BAZ2B: variants seen among roughly 807,000 people sequenced by gnomAD.
BAZ2B encodes bromodomain adjacent to zinc finger domain 2B.
A neutral mutation model predicts 246.0 loss-of-function variants in BAZ2B; 91 were observed. The ratio of observed to expected loss-of-function variants is 0.37; its 90% CI spans 0.31 to 0.44. The LOEUF (loss-of-function observed/expected upper bound fraction) is 0.44. BAZ2B is among the 20% of genes least tolerant of loss of function. The probability of loss-of-function intolerance (pLI) is 1.00; values close to 1 mark genes in which losing one functional copy is unlikely to be tolerated. For missense variants in BAZ2B, 2,332 were observed against 2,533.7 expected, an observed-to-expected ratio of 0.92 and a Z score of 1.71; for synonymous variants, 855 against 860.0, an observed-to-expected ratio of 0.99 and a Z score of 0.10.
At chr2:159,456,363 T>C (rs576204140) in intron 3 of BAZ2B, among the ~76,000 whole-genome samples, 2 of 152,210 alleles carry the variant, frequency 1.3e-5, no homozygotes, top group South Asian at 4.1e-4. Context: ...ACAGCATTAA[T>C]TTCATTATTG....
intron 17 of BAZ2B, among the ~76,000 whole-genome samples, chr2:159,400,048 A>G (rs917468992): frequency 6.6e-6 from 1 of 152,156 alleles, no homozygotes; most frequent in African/African-American, 2.4e-5. Flanking sequence ...TTCAGTTCCT[A>G]TATATGCTAG....
chr2:159,347,766 A>G, intron 30 of BAZ2B, 120 bp from the exon 31 acceptor site: 2 of 797,684 alleles, frequency 2.5e-6, no homozygotes, highest in Non-Finnish European at 3.9e-6. Flanking sequence ...GACATACACA[A>G]ATGCACTTGT....
intron 1 of BAZ2B, among the ~76,000 whole-genome samples, chr2:159,580,898 C>T (rs1024183753): frequency 2.6e-5 from 4 of 152,142 alleles, no homozygotes; most frequent in African/African-American, 4.8e-5. Context: ...CTTCCTCACA[C>T]CTTATACAAA....
intron 24 of BAZ2B, 119 bp from the exon 25 acceptor site, chr2:159,382,921 T>TGC: frequency 7.7e-7 from 1 of 1,301,382 alleles, no homozygotes. Context: ...TGTTAAGCGA[T>TGC]ATACCAATGT....
intron 13 of BAZ2B, among the ~76,000 whole-genome samples, chr2:159,416,553 T>A (rs1315386490): frequency 6.6e-6 from 1 of 152,256 alleles, no homozygotes. Context: ...GCATTTGGTT[T>A]TTAAAGTATC....
chr2:159,651,171 A>T, the BAZ2B span, among the ~76,000 whole-genome samples: 5 of 152,168 alleles, frequency 3.3e-5, no homozygotes, highest in East Asian at 9.6e-4. Flanking sequence ...TTATTTTACC[A>T]TTACTCTTAC....
chr2:159,469,512 T>G (rs1354171258), intron 3 of BAZ2B, among the ~76,000 whole-genome samples: 1 of 152,150 alleles, frequency 6.6e-6, no homozygotes, highest in Non-Finnish European at 1.5e-5. Context: ...CTCGGCTCAA[T>G]GCAACCTCTG....
intron 1 of BAZ2B, among the ~76,000 whole-genome samples, chr2:159,559,988 T>C (rs2089660514): frequency 6.6e-6 from 1 of 152,296 alleles, no homozygotes; most frequent in Admixed American, 6.5e-5. Flanking sequence ...ACTACCAATG[T>C]GGGAAAAGAA....
the BAZ2B span, among the ~76,000 whole-genome samples, chr2:159,640,908 T>C: frequency 7.6e-6 from 1 of 130,752 alleles, no homozygotes; most frequent in East Asian, 2.3e-4. Context: ...AGAGAAGAAA[T>C]AAATGAAATA....
chr2:159,358,009 A>C (rs142381723), intron 27 of BAZ2B, among the ~76,000 whole-genome samples: 2,951 of 152,270 alleles, frequency 0.019, 102 homozygotes, highest in African/African-American at 0.066. Flanking sequence ...CACTGCAAAA[A>C]CATGCCAAAT....
the BAZ2B span, among the ~76,000 whole-genome samples, chr2:159,643,793 T>C: frequency 3.3e-5 from 5 of 150,394 alleles, no homozygotes; most frequent in African/African-American, 9.8e-5. Flanking sequence ...GGAGAATCGC[T>C]TGAACCCAGG....
Position 159,386,418 on chromosome 2 carries a change from G to C in BAZ2B, c.3406C>G (p.Gln1136Glu), listed in dbSNP as rs2062667480. ...GAGAGGAGCCTCACAAGCAAGTCTT[G>C]TACTTCACCCATGCTGTCCCCTATA... ...LNIGDSMGEV[Q>E]DLLVRLLSAA... The change falls in exon 22 of 37, where the codon CAA becomes GAA. Residue 1136 changes from glutamine to glutamate, a missense_variant. Physicochemically the swap from Gln to Glu is conservative, Grantham distance 29. Coordinates refer to ENST00000392783, the MANE Select transcript of BAZ2B (RefSeq NM_013450.4). 1 of 1,613,294 alleles carries C rather than the reference G, an allele frequency of 6.2e-7. No individual in the cohort carries two copies. Among genetic ancestry groups the C allele is most frequent in the African/African-American group, 1.3e-5 (1 of 74,942 alleles).
the BAZ2B span, among the ~76,000 whole-genome samples, chr2:159,642,739 C>T: frequency 6.6e-6 from 1 of 151,862 alleles, no homozygotes; most frequent in African/African-American, 2.4e-5. Context: ...GTTAAAAATC[C>T]TATCAAGAGT....
At position 159,577,774 on chromosome 2, in the gene BAZ2B, AGG is replaced by A. The variant is rs781489636; in HGVS notation, c.-45-21911_-45-21910del. ...TTTATACACCACAAGAAATAAAAGT[AGG>A]TACCTTAATGGGAAGGAGAAAGGCT... On this transcript the variant is annotated intron_variant, in intron 1 of 36. Transcript: ENST00000392783. Among the ~76,000 whole-genome samples the A allele has an allele frequency of 1.7e-3, 266 of 152,340 alleles. 1 individual carries two copies. Among genetic ancestry groups the A allele is most frequent in the Non-Finnish European group, 3.0e-3 (203 of 68,024 alleles).
chr2:159,653,987 G>T, the BAZ2B span, among the ~76,000 whole-genome samples: 1 of 152,140 alleles, frequency 6.6e-6, no homozygotes, highest in African/African-American at 2.4e-5. Context: ...AGTAGACTTG[G>T]AAGTTAACCC....
intron 1 of BAZ2B, chr2:159,615,842 C>G (rs1352988018): frequency 6.6e-6 from 1 of 152,412 alleles, no homozygotes; most frequent in Non-Finnish European, 1.5e-5. Flanking sequence ...GCGGCGGACT[C>G]GCGGCGGCAG....
Position 159,453,772 on chromosome 2 carries a change from G to A in BAZ2B, c.175C>T (p.Pro59Ser). The A allele has an allele frequency of 1.2e-6, 2 of 1,610,032 alleles. No individual in the cohort carries two copies. The highest frequency in any genetic ancestry group is 1.3e-5 in the African/African-American group (1 of 74,926). Residue 59 changes from proline to serine, a missense_variant, in exon 4 of 37, where the codon CCG (proline) becomes TCG (serine). Physicochemically the swap from Pro to Ser is moderately conservative, Grantham distance 74. Around this residue, in one of 9 missense-constraint regions of BAZ2B, gnomAD observed 242 missense variants for 237.4 expected, o/e 1.02. Transcript: ENST00000392783. ...GHLFRTAGDQ[P>S]FNLSTVSSAF... is the part of the protein sequence containing the mutation. ...CTCGACACTGTGGACAGGTTAAACG[G>A]TTGATCCCCAGCTGTTCTGAATAAA... is the stretch of plus-strand genomic sequence containing the variant.
At chr2:159,513,460 A>G (rs1413622703) in intron 2 of BAZ2B, among the ~76,000 whole-genome samples, 1 of 152,162 alleles carries the variant, frequency 6.6e-6, no homozygotes, top group African/African-American at 2.4e-5. Context: ...CTCCACTTGC[A>G]TATCTAATGA....
At chr2:159,401,514 T>A (rs1363015872) in intron 16 of BAZ2B, among the ~76,000 whole-genome samples, 2 of 152,222 alleles carry the variant, frequency 1.3e-5, no homozygotes, top group Non-Finnish European at 2.9e-5. Flanking sequence ...TTCTAAAATT[T>A]ATTTCATATG....
Sources: gnomAD v4.1 joint callset for allele counts (sites outside exome capture counted in the v4.1 genomes callset) on GRCh38, gnomAD v4.1.1 for gene constraint, gnomAD v4.1.1 regional missense constraint, MANE v1.5 for transcripts, NCBI Gene and HGNC (gene_info 2026-07-23, HGNC 2026-07-21) for gene names.